The following SEMA6B variants were observed in gnomAD, a reference collection of about 807,000 sequenced individuals.
SEMA6B encodes the protein semaphorin-6B.
In SEMA6B, 47 loss-of-function variants were observed where a neutral mutation model predicts 78.6. The observed-to-expected ratio is 0.60, with a 90% confidence interval of 0.47 to 0.76. The LOEUF (loss-of-function observed/expected upper bound fraction) is 0.76, where lower values mean the gene tolerates loss of function less well. Ranked by LOEUF, SEMA6B falls within the 30% of genes least tolerant of loss-of-function variation. The pLI, the probability that SEMA6B is intolerant of heterozygous loss-of-function variation, is 0.00. For missense variants in SEMA6B, 1,213 were observed against 1,269.9 expected (o/e 0.96, Z 0.68); for synonymous variants, 632 against 592.2 (o/e 1.07, Z -0.98).
chr19:4,556,144 TG>T, intron 5 of SEMA6B, 55 bp from the exon 6 acceptor site: 1 of 1,299,324 alleles, frequency 7.7e-7, no homozygotes, highest in Non-Finnish European at 1.1e-6. Flanking sequence ...GTCATGGTGA[TG>T]GGCGTGGCCA....
At position 4,544,555 on chromosome 19, in the gene SEMA6B, G is replaced by C; in HGVS notation, c.1739-26C>G. The C allele has an allele frequency of 6.9e-7, 1 of 1,439,466 alleles. No homozygotes were observed. Among genetic ancestry groups the C allele is most frequent in the Non-Finnish European group, 9.2e-7 (1 of 1,087,120 alleles). 89.2% of individuals were successfully genotyped at this position (1,439,466 alleles called of 1,614,324 possible). ...CTGGCCGGGGAGCACAGGGGGGTTA[G>C]TGGGGCCGGCGGGGTGGCCCTGGGC... On this transcript the variant is annotated intron_variant, in intron 16 of 16. Transcript: ENST00000586582. This position sits in a 1 kb window ranked among gnomAD's most constrained non-coding sequence, Gnocchi z 5.1.
At position 4,552,675 on chromosome 19, in the gene SEMA6B, C is replaced by G; in HGVS notation, c.772-36G>C. On this transcript the variant is annotated intron_variant, in intron 9 of 16. Transcript: ENST00000586582. The surrounding 1 kb of genome is among the most constrained non-coding windows in gnomAD (Gnocchi z 7.4). ...CAGTGGACGGACGGGGGCCTGAGCT[C>G]TGTGTCCCAGGAAGGCCTGTTCACA... 6.4e-7 allele frequency: 1 copy of G among 1,557,086 alleles called. No homozygotes were observed. The highest frequency in any genetic ancestry group is 1.4e-5 in the African/African-American group (1 of 74,070).
In SEMA6B at chr19:4,548,020, C is replaced by T. The variant is rs375722775; in HGVS notation, c.1601+7G>A. 5.7e-5 allele frequency: 88 copies of T among 1,538,832 alleles called. No individual in the cohort carries two copies. Among genetic ancestry groups the T allele is most frequent in the Non-Finnish European group, 7.4e-5 (85 of 1,143,532 alleles). On this transcript the variant is annotated splice_region_variant and intron_variant, in intron 14 of 16. Transcript: ENST00000586582. ...CCGCCCACGGCTGGCCTGGGGTGGA[C>T]ACTCACTTCATACACCCCGAGTACT...
At chr19:4,546,526 A>G (rs1793156878) in intron 14 of SEMA6B, 57 bp from the exon 15 acceptor site, 48 of 1,211,118 alleles carry the variant, frequency 4.0e-5, no homozygotes, top group Non-Finnish European at 5.1e-5. Context: ...CACAACCCCA[A>G]TGGTGATGGT....
rs1351991367 is a variant in SEMA6B at position 4,551,015 on chromosome 19, G to A, written c.990-85C>T. ...TGCGTGCAGGAGCCTCTGTCTGCAGGAGCCAGTGAATCTTCAGTCTTCCTA... is the reference window on the plus strand; with the variant it reads ...TGCGTGCAGGAGCCTCTGTCTGCAGAAGCCAGTGAATCTTCAGTCTTCCTA... On this transcript the variant is annotated intron_variant, in intron 10 of 16. Transcript: ENST00000586582. The A allele has an allele frequency of 2.3e-5, 34 of 1,496,460 alleles. No homozygotes were observed. The Admixed American group carries it at 4.3e-4, about 19-fold the overall frequency. 92.7% of individuals were successfully genotyped at this position (1,496,460 alleles called of 1,614,324 possible).
chr19:4,545,549 A>T (rs1051229635), intron 16 of SEMA6B, among the ~76,000 whole-genome samples: 4 of 152,118 alleles, frequency 2.6e-5, no homozygotes, highest in African/African-American at 7.2e-5. Flanking sequence ...TATATTCCCC[A>T]GGCTGGTCTC....
intron 5 of SEMA6B, 143 bp from the exon 6 acceptor site, chr19:4,556,232 G>A (rs777320390): frequency 3.7e-5 from 24 of 650,694 alleles, no homozygotes; most frequent in African/African-American, 1.8e-4. Flanking sequence ...GGACTGGCTG[G>A]GGACACGGTG....
intron 12 of SEMA6B, 38 bp from the exon 13 acceptor site, chr19:4,548,483 T>C: frequency 6.3e-7 from 1 of 1,578,992 alleles, no homozygotes; most frequent in Non-Finnish European, 8.6e-7. Context: ...GCTGGCCCCA[T>C]ATCACCACAT....
intron 3 of SEMA6B, 44 bp downstream of exon 3, chr19:4,557,982 C>A: frequency 7.6e-7 from 1 of 1,315,948 alleles, no homozygotes; most frequent in South Asian, 2.1e-5. Context: ...CCCCCTCGCT[C>A]ATTCTGCTCG....
At chr19:4,545,555 G>A (rs1044948545) in intron 16 of SEMA6B, among the ~76,000 whole-genome samples, 1 of 152,116 alleles carries the variant, frequency 6.6e-6, no homozygotes, top group Non-Finnish European at 1.5e-5. Context: ...CCCCAGGCTG[G>A]TCTCAAACTC....
chr19:4,543,870 C>T lies in SEMA6B; in HGVS notation c.2398G>A (p.Val800Met). Residue 800 changes from valine (V) to methionine (M), a missense_variant, in exon 17 of 17, where the codon GTG (valine) becomes ATG (methionine). By Grantham distance (21) the Val-to-Met change is conservative. Transcript: ENST00000586582. ...TPHASPDRRR[V>M]VSAPTGPLDP... ...AAGGGGCCCGTGGGCGCGGACACCA[C>T]CCGCCGGCGGTCCGGGCTGGCGTGG... is the stretch of plus-strand genomic sequence containing the variant. 2 of 1,206,908 alleles carry T rather than the reference C, an allele frequency of 1.7e-6. No homozygotes were observed. Among genetic ancestry groups the T allele is most frequent in the Non-Finnish European group, 2.1e-6 (2 of 972,224 alleles). 74.8% of individuals were successfully genotyped at this position (1,206,908 alleles called of 1,614,324 possible).
rs773667966 is a variant in SEMA6B at position 4,558,429 on chromosome 19, C to A, written c.29G>T (p.Arg10Leu). 3 of 815,784 alleles carry A rather than the reference C, an allele frequency of 3.7e-6. No homozygotes were observed. The highest frequency in any genetic ancestry group is 5.1e-5 in the South Asian group (1 of 19,566). The allele number at this position is 815,784 out of a possible 1,614,324, so 50.5% of individuals were successfully genotyped here. A position where few individuals can be genotyped will look rare whatever the true frequency, so the allele number is the denominator to read the frequency against. ...CAGCAGCAGAAGCAGCAGGGCCGGG[C>A]GGGGAGGGGACGCTCGCGGGGTCTG... MQTPRASPP[R>L]PALLLLLLLL... Residue 10 changes from arginine to leucine, a missense_variant, in exon 2 of 17, where the codon CGC becomes CTC. Physicochemically the swap from Arg to Leu is moderately radical, Grantham distance 102. Transcript: ENST00000586582. The surrounding 1 kb of genome is among the most constrained non-coding windows in gnomAD (Gnocchi z 5.1).
At chr19:4,545,340 CAAAA>C (rs552554036) in intron 16 of SEMA6B, among the ~76,000 whole-genome samples, 4 of 113,954 alleles carry the variant, frequency 3.5e-5, no homozygotes, top group Non-Finnish European at 1.8e-5. Flanking sequence ...GACTCTGTCT[CAAAA>C]AAAAAAAAAA....
intron 3 of SEMA6B, among the ~76,000 whole-genome samples, chr19:4,557,761 G>T (rs1977511492): frequency 6.6e-6 from 1 of 152,116 alleles, no homozygotes; most frequent in African/African-American, 2.4e-5. Flanking sequence ...CCTCCACCCT[G>T]GTCCCCTGGA....
At position 4,548,115 on chromosome 19, in the gene SEMA6B, C is replaced by A; in HGVS notation, c.1513G>T (p.Ala505Ser). 6.3e-7 allele frequency: 1 copy of A among 1,591,302 alleles called. No individual in the cohort carries two copies. The highest frequency in any genetic ancestry group is 8.5e-7 in the Non-Finnish European group (1 of 1,173,316). Residue 505 changes from alanine to serine, a missense_variant, in exon 14 of 17, where the codon GCA becomes TCA. Ala to Ser is a moderately conservative substitution (Grantham distance 99). Transcript: ENST00000586582. ...GQRLLSLELD[A>S]ASGGLLAAFP... ...GCAGCCAGCAGGCCCCCCGAAGCTG[C>A]GTCCAGCTCCAAGCTCAGCAGCCGC...
chr19:4,550,903 A>G lies in SEMA6B; in HGVS notation c.1017T>C (p.Phe339=), dbSNP rs200053427. The G allele has an allele frequency of 7.3e-5, 117 of 1,613,586 alleles. 1 individual carries two copies. The Middle Eastern group carries it at 8.3e-4, about 11-fold the overall frequency. ...NSIPGSAVCA[F]DLTQVAAVFE... The stretch of plus-strand genomic sequence containing the variant: ...ACACAGCTGCCACCTGTGTCAGGTC[A>G]AAGGCGCAGACAGCCGAGCCAGGGA... The change falls in exon 11 of 17, where the codon TTT becomes TTC. Residue 339 remains phenylalanine (F), a synonymous_variant. Coordinates refer to ENST00000586582, the MANE Select transcript of SEMA6B (RefSeq NM_032108.4). This position sits in a 1 kb window ranked among gnomAD's most constrained non-coding sequence, Gnocchi z 6.6.
At chr19:4,557,082 G>A (rs1599783506) in intron 4 of SEMA6B, 69 bp from the exon 5 acceptor site, 2 of 1,592,064 alleles carry the variant, frequency 1.3e-6, no homozygotes, top group East Asian at 4.5e-5. Flanking sequence ...GCCGTGCTGG[G>A]CCGAATCCAC....
In SEMA6B at chr19:4,555,605, C is replaced by G; in HGVS notation, c.472-41G>C. The G allele has an allele frequency of 1.3e-6, 2 of 1,542,654 alleles. No homozygotes were observed. Among genetic ancestry groups the G allele is most frequent in the Non-Finnish European group, 1.8e-6 (2 of 1,122,120 alleles). The stretch of plus-strand genomic sequence containing the variant: ...GGCCTGAGTGACAGATCTCCTGACC[C>G]CACCTAGCAGCCCCTGGCTCCCTCA... On this transcript the variant is annotated intron_variant, in intron 6 of 16. Coordinates refer to ENST00000586582, the MANE Select transcript of SEMA6B (RefSeq NM_032108.4). The surrounding 1 kb of genome is among the most constrained non-coding windows in gnomAD (Gnocchi z 6.1).
chr19:4,543,166 T>G lies in SEMA6B; in HGVS notation c.*435A>C. ...CACCCACACACGCCAGGGGCCTGGGTTGGGGAGGGACCTTTCCAGGGGTGG... is the reference window on the plus strand; with the variant it reads ...CACCCACACACGCCAGGGGCCTGGGGTGGGGAGGGACCTTTCCAGGGGTGG... On this transcript the variant is annotated 3_prime_UTR_variant, in exon 17 of 17. Transcript: ENST00000586582. The G allele has an allele frequency of 1.7e-6, 1 of 598,216 alleles. No homozygotes were observed. The highest frequency in any genetic ancestry group is 3.0e-6 in the Non-Finnish European group (1 of 334,726). The allele number at this position is 598,216 out of a possible 1,614,324, so 37.1% of individuals were successfully genotyped here.
Sources: gnomAD v4.1 joint callset for allele counts (sites outside exome capture counted in the v4.1 genomes callset) on GRCh38, gnomAD v4.1.1 for gene constraint, Gnocchi (gnomAD v3.1) non-coding constraint, MANE v1.5 for transcripts, NCBI Gene and HGNC (gene_info 2026-07-23, HGNC 2026-07-21) for gene names.